Variants in NCOA1 observed in about 807,000 individuals in gnomAD.
The protein encoded by NCOA1 is nuclear receptor coactivator 1, also known as Hin-2 protein.
In NCOA1, 35 loss-of-function variants were observed where a neutral mutation model predicts 150.9. The ratio of observed to expected loss-of-function variants is 0.23; its 90% CI spans 0.18 to 0.31. The LOEUF (loss-of-function observed/expected upper bound fraction) is 0.31, where lower values mean the gene tolerates loss of function less well. Among genes scored for constraint, NCOA1 ranks in the 10% least tolerant of loss-of-function variants. The probability of loss-of-function intolerance (pLI) is 1.00; values close to 1 mark genes in which losing one functional copy is unlikely to be tolerated. For missense variants in NCOA1, 1,491 were observed against 1,749.3 expected, an observed-to-expected ratio of 0.85 and a Z score of 2.63; for synonymous variants, 590 against 630.0, an observed-to-expected ratio of 0.94 and a Z score of 0.95.
chr2:24,568,609 CAG>C (rs1315323600), intron 2 of NCOA1, among the ~76,000 whole-genome samples: 1 of 152,166 alleles, frequency 6.6e-6, no homozygotes, highest in Non-Finnish European at 1.5e-5. Context: ...GTTGCTAAGA[CAG>C]AGAGGTCCAC....
intron 22 of NCOA1, 84 bp downstream of exon 22, chr2:24,762,860 A>C (rs1037803938): frequency 4.8e-6 from 6 of 1,241,672 alleles, no homozygotes; most frequent in Non-Finnish European, 7.0e-6. Context: ...TAAGAGCCTG[A>C]CCTTGGGAGT....
chr2:24,573,810 C>G (rs1280552814), intron 2 of NCOA1, among the ~76,000 whole-genome samples: 1 of 151,440 alleles, frequency 6.6e-6, no homozygotes, highest in Non-Finnish European at 1.5e-5. Flanking sequence ...AATACCGGGT[C>G]AAACAGGAGA....
At chr2:24,636,223 C>G (rs1305938518) in intron 3 of NCOA1, among the ~76,000 whole-genome samples, 1 of 152,140 alleles carries the variant, frequency 6.6e-6, no homozygotes, top group Non-Finnish European at 1.5e-5. Flanking sequence ...AGTCTTTAAA[C>G]CCATGAACAT....
At chr2:24,653,330 A>G (rs1257677304) in intron 4 of NCOA1, among the ~76,000 whole-genome samples, 2 of 152,154 alleles carry the variant, frequency 1.3e-5, no homozygotes, top group Admixed American at 1.3e-4. Context: ...TTTCAAAATT[A>G]GAATATTCCC....
At chr2:24,634,956 A>G (rs1189888928) in intron 3 of NCOA1, among the ~76,000 whole-genome samples, 1 of 151,958 alleles carries the variant, frequency 6.6e-6, no homozygotes, top group African/African-American at 2.4e-5. Flanking sequence ...GCCTCAAGTG[A>G]TCTTCCTGCC....
At chr2:24,603,172 TTG>T (rs1668206579) in intron 3 of NCOA1, among the ~76,000 whole-genome samples, 1 of 110,198 alleles carries the variant, frequency 9.1e-6, no homozygotes, top group Non-Finnish European at 2.2e-5. Flanking sequence ...TGCAATAGCA[TTG>T]TGTCTAAAAA....
rs547628869 is a variant in NCOA1, at chr2:24,700,141, C to G, written c.949+2343C>G. 8.1e-5 allele frequency among the ~76,000 whole-genome samples: 10 copies of G among 123,070 alleles called. No homozygotes were observed. In the East Asian group the frequency reaches 2.1e-3, roughly 26 times the overall value. 80.7% of individuals were successfully genotyped at this position (123,070 alleles called of 152,430 possible). A position where few individuals can be genotyped will look rare whatever the true frequency, so the allele number is the denominator to read the frequency against. On this transcript the variant is annotated intron_variant, in intron 11 of 22. Coordinates refer to ENST00000348332, the MANE Select transcript of NCOA1 (RefSeq NM_003743.5). ...CTGGGCAACAAGAGCGAAACTTCAT[C>G]GCTAATAATAATAATAATAATAATA... is the stretch of plus-strand genomic sequence containing the variant.
In NCOA1 at chr2:24,758,007, C is replaced by G. The variant is rs539252191; in HGVS notation, c.3916C>G (p.Pro1306Ala). The change falls in exon 21 of 23, where the codon CCT (proline) becomes GCT (alanine). Residue 1306 changes from proline to alanine, a missense_variant. Physicochemically the swap from Pro to Ala is conservative, Grantham distance 27. Around this residue, in one of 8 missense-constraint regions of NCOA1, gnomAD observed 485 missense variants for 522.8 expected, o/e 0.93. Transcript: ENST00000348332. ...FSQAVQNQPT[P>A]AQPGVYNNMS... The stretch of plus-strand genomic sequence containing the variant: ...TCAAGCTGTCCAGAACCAGCCCACG[C>G]CTGCACAGCCAGGAGTATACAACAA... 31 of 1,613,982 alleles carry G rather than the reference C, an allele frequency of 1.9e-5. No individual in the cohort carries two copies. Among genetic ancestry groups the G allele is most frequent in the Non-Finnish European group, 2.5e-5 (30 of 1,179,996 alleles).
intron 6 of NCOA1, among the ~76,000 whole-genome samples, chr2:24,668,274 A>G (rs941437788): frequency 6.6e-6 from 1 of 152,200 alleles, no homozygotes; most frequent in African/African-American, 2.4e-5. Context: ...ATGCAAAAAT[A>G]ATGTTCTCAG....
intron 1 of NCOA1, among the ~76,000 whole-genome samples, chr2:24,498,851 T>A (rs1274906811): frequency 6.6e-6 from 1 of 152,164 alleles, no homozygotes; most frequent in Non-Finnish European, 1.5e-5. Context: ...ACCCCAAATT[T>A]CATATTTTTT....
chr2:24,590,528 A>C (rs1320317662), intron 3 of NCOA1, among the ~76,000 whole-genome samples: 2 of 152,108 alleles, frequency 1.3e-5, no homozygotes, highest in Non-Finnish European at 2.9e-5. Flanking sequence ...GGTTTTATAA[A>C]ATTTTGAAAT....
chr2:24,726,012 A>G (rs1040524902), intron 14 of NCOA1, among the ~76,000 whole-genome samples: 11 of 152,152 alleles, frequency 7.2e-5, no homozygotes, highest in East Asian at 1.9e-4. Flanking sequence ...TGCATATACT[A>G]TTTTCTTCAA....
chr2:24,614,730 G>C (rs1055152568), intron 3 of NCOA1, among the ~76,000 whole-genome samples: 6 of 152,114 alleles, frequency 3.9e-5, no homozygotes, highest in Admixed American at 6.5e-5. Context: ...AGATAATTCT[G>C]ATGCACTGCA....
At chr2:24,717,643 GTATC>G (rs1241692734) in intron 14 of NCOA1, among the ~76,000 whole-genome samples, 34 of 152,268 alleles carry the variant, frequency 2.2e-4, no homozygotes, top group Middle Eastern at 3.4e-3. Context: ...GCAATGACAT[GTATC>G]TATCCTGTCA....
intron 3 of NCOA1, among the ~76,000 whole-genome samples, chr2:24,601,612 C>CTTTTT (rs112063269): frequency 4.5e-5 from 6 of 132,000 alleles, no homozygotes; most frequent in Non-Finnish European, 3.3e-5. Flanking sequence ...CTCCTTCCTC[C>CTTTTT]TTTTTTTTTT....
At chr2:24,630,301 T>C (rs925854577) in intron 3 of NCOA1, among the ~76,000 whole-genome samples, 2 of 152,238 alleles carry the variant, frequency 1.3e-5, no homozygotes, top group Admixed American at 6.5e-5. Flanking sequence ...CTTAATGCTA[T>C]ACTGTCTTGG....
At chr2:24,738,672 T>C (rs1047868472) in intron 17 of NCOA1, among the ~76,000 whole-genome samples, 2 of 152,196 alleles carry the variant, frequency 1.3e-5, no homozygotes, top group African/African-American at 4.8e-5. Context: ...TAAAGGCTTA[T>C]AAAATTTCTG....
intron 3 of NCOA1, among the ~76,000 whole-genome samples, chr2:24,591,312 T>G (rs955459130): frequency 6.6e-6 from 1 of 152,188 alleles, no homozygotes; most frequent in African/African-American, 2.4e-5. Flanking sequence ...TATATATGGT[T>G]GTAGTTAAGA....
At chr2:24,724,090 G>T (rs1011575130) in intron 14 of NCOA1, among the ~76,000 whole-genome samples, 7 of 149,672 alleles carry the variant, frequency 4.7e-5, no homozygotes, top group African/African-American at 1.7e-4. Context: ...TTTTTGTTTT[G>T]TTTTGTTTTG....
Sources: allele counts gnomAD v4.1 joint callset (sites outside exome capture counted in the v4.1 genomes callset), GRCh38; gene constraint gnomAD v4.1.1; regional missense constraint gnomAD v4.1.1; transcripts MANE v1.5; gene names NCBI Gene and HGNC (gene_info 2026-07-23, HGNC 2026-07-21).